MACROD2: variants seen among roughly 807,000 people sequenced by gnomAD.
MACROD2 encodes the protein ADP-ribose glycohydrolase MACROD2.
MACROD2 carries 36 observed loss-of-function variants against 70.4 expected under a neutral mutation model. That is an observed-to-expected ratio of 0.51 (90% CI 0.39 to 0.68). MACROD2 has a LOEUF of 0.68. Ranked by LOEUF, MACROD2 falls within the 30% of genes least tolerant of loss-of-function variation. The probability of loss-of-function intolerance (pLI) is 0.00; values close to 1 mark genes in which losing one functional copy is unlikely to be tolerated. For synonymous variants in MACROD2, 172 were observed against 178.8 expected (o/e 0.96, Z 0.30); for missense variants, 496 against 538.4 (o/e 0.92, Z 0.78).
At chr20:15,186,853 C>T (rs563791211) in intron 5 of MACROD2, among the ~76,000 whole-genome samples, 15 of 152,194 alleles carry the variant, frequency 9.9e-5, no homozygotes, top group Non-Finnish European at 1.0e-4. Context: ...GTGTTCCTAA[C>T]TGCTTCAAAA....
chr20:15,244,858 G>A (rs1601292662), intron 6 of MACROD2, among the ~76,000 whole-genome samples: 1 of 152,294 alleles, frequency 6.6e-6, no homozygotes, highest in South Asian at 2.1e-4. Context: ...TCAGGCAAAT[G>A]ATACAAATTA....
Position 15,233,969 on chromosome 20 carries a change from T to TATATATATA in MACROD2, c.540+3908_540+3909insATATATATA, listed in dbSNP as rs1568657296. ...ACCCTTGGATCCAAAAAATTTATTT[T>TATATATATA]TATATATATTTATTTATATATATAT... On this transcript the variant is annotated intron_variant, in intron 6 of 17. Transcript: ENST00000684519. Among the ~76,000 whole-genome samples the TATATATATA allele has an allele frequency of 3.7e-3, 208 of 56,030 alleles. 13 individuals carry two copies. The highest frequency in any genetic ancestry group is 5.2e-3 in the Non-Finnish European group (149 of 28,932). The allele number at this position is 56,030 out of a possible 152,430, so 36.8% of individuals were successfully genotyped here.
Position 15,595,780 on chromosome 20 carries a change from A to C in MACROD2, c.645+95933A>C, listed in dbSNP as rs375764368. Reference sequence around the variant, plus strand: ...ACAGTAATAATCTGTTGGTGGTGGGACTATCTGTGATGTGTGTAAATGCTT... The same window carrying C: ...ACAGTAATAATCTGTTGGTGGTGGGCCTATCTGTGATGTGTGTAAATGCTT... On this transcript the variant is annotated intron_variant, in intron 8 of 17. Coordinates refer to ENST00000684519, the MANE Select transcript of MACROD2 (RefSeq NM_001351661.2). Among the ~76,000 whole-genome samples the C allele has an allele frequency of 7.9e-5, 12 of 152,328 alleles. 1 individual carries two copies. The East Asian group carries it at 1.2e-3, about 15-fold the overall frequency.
intron 8 of MACROD2, 49 bp from the exon 9 acceptor site, chr20:15,862,696 C>T: frequency 6.9e-7 from 1 of 1,459,060 alleles, no homozygotes; most frequent in Non-Finnish European, 9.5e-7. Context: ...CCTGGCAGGG[C>T]AATTGCCATA....
In MACROD2 at chr20:14,919,193, G is replaced by C. The variant is rs955153261; in HGVS notation, c.418+234234G>C. ...TGGAATGCATCACAAACACATTGCT[G>C]GGAAAGTAAAAGTTCCAGAAAGAGC... is the stretch of plus-strand genomic sequence containing the variant. On this transcript the variant is annotated intron_variant, in intron 5 of 17. Transcript: ENST00000684519. Among the ~76,000 whole-genome samples the C allele has an allele frequency of 2.8e-4, 43 of 152,124 alleles. 1 individual carries two copies. Among genetic ancestry groups the C allele is most frequent in the Admixed American group, 6.6e-5 (1 of 15,260 alleles).
At chr20:14,469,312 T>G (rs1253378720) in intron 3 of MACROD2, among the ~76,000 whole-genome samples, 3 of 152,134 alleles carry the variant, frequency 2.0e-5, no homozygotes, top group African/African-American at 7.2e-5. Flanking sequence ...TAGTCTGATG[T>G]GCTTCACTGT....
In MACROD2 at chr20:14,714,805, A is replaced by G. The variant is rs188826755; in HGVS notation, c.418+29846A>G. On this transcript the variant is annotated intron_variant, in intron 5 of 17. Transcript: ENST00000684519. ...CTTATAGAAGGGTCTCACAGCTCCA[A>G]GTAACTATCTCTCCTTTGCAGCTTT... 7.2e-5 allele frequency among the ~76,000 whole-genome samples: 11 copies of G among 152,308 alleles called. No individual in the cohort carries two copies. In the East Asian group the frequency reaches 1.7e-3, roughly 24 times the overall value.
At chr20:15,545,521 T>G (rs888302728) in intron 8 of MACROD2, among the ~76,000 whole-genome samples, 1 of 152,172 alleles carries the variant, frequency 6.6e-6, no homozygotes, top group African/African-American at 2.4e-5. Context: ...ATTGTGAGAA[T>G]GAAAAACGGG....
intron 5 of MACROD2, among the ~76,000 whole-genome samples, chr20:14,711,972 C>T (rs907776230): frequency 6.6e-6 from 1 of 152,138 alleles, no homozygotes; most frequent in African/African-American, 2.4e-5. Context: ...GTATAGAACA[C>T]TCACTTTTTC....
chr20:14,770,029 C>A (rs960172399), intron 5 of MACROD2, among the ~76,000 whole-genome samples: 4 of 151,416 alleles, frequency 2.6e-5, no homozygotes, highest in Non-Finnish European at 4.4e-5. Context: ...TCATGAAATT[C>A]TAAATAAAAG....
At chr20:15,371,184 A>C (rs1258354745) in intron 6 of MACROD2, among the ~76,000 whole-genome samples, 2 of 152,134 alleles carry the variant, frequency 1.3e-5, no homozygotes, top group African/African-American at 4.8e-5. Flanking sequence ...TTCACTGTTG[A>C]ACTTGATAAT....
intron 3 of MACROD2, among the ~76,000 whole-genome samples, chr20:14,370,633 A>C (rs2083313633): frequency 6.6e-6 from 1 of 152,196 alleles, no homozygotes; most frequent in Non-Finnish European, 1.5e-5. Context: ...GGATGGTGGC[A>C]GGACAATAGC....
intron 4 of MACROD2, among the ~76,000 whole-genome samples, chr20:14,496,466 A>G (rs1294202681): frequency 2.6e-5 from 4 of 152,208 alleles, no homozygotes; most frequent in African/African-American, 9.6e-5. Flanking sequence ...CTTACCACCA[A>G]TAAGACTGAT....
At chr20:14,974,075 T>C (rs1474780341) in intron 5 of MACROD2, among the ~76,000 whole-genome samples, 1 of 152,118 alleles carries the variant, frequency 6.6e-6, no homozygotes, top group African/African-American at 2.4e-5. Flanking sequence ...ATAGGCAATA[T>C]GAAATAACAG....
At chr20:15,234,402 G>C (rs1289189199) in intron 6 of MACROD2, among the ~76,000 whole-genome samples, 1 of 151,884 alleles carries the variant, frequency 6.6e-6, no homozygotes, top group African/African-American at 2.4e-5. Flanking sequence ...GCACCATGAA[G>C]AGGATAATTA....
At position 15,020,126 on chromosome 20, in the gene MACROD2, G is replaced by A. The variant is rs374432696; in HGVS notation, c.419-209814G>A. 3.9e-5 allele frequency among the ~76,000 whole-genome samples: 6 copies of A among 152,206 alleles called. No homozygotes were observed. In the South Asian group the frequency reaches 1.2e-3, roughly 32 times the overall value. On this transcript the variant is annotated intron_variant, in intron 5 of 17. Transcript: ENST00000684519. ...GATGGGAGGCTGGATTTGACCTGCA[G>A]GCTATAGTTTGCCTACTTCTGCTGC...
At chr20:15,461,298 G>C (rs2046815893) in intron 7 of MACROD2, among the ~76,000 whole-genome samples, 2 of 152,000 alleles carry the variant, frequency 1.3e-5, no homozygotes, top group Non-Finnish European at 2.9e-5. Flanking sequence ...ACATTGTCTA[G>C]CTATTTGATT....
At chr20:15,797,280 A>C (rs1336878392) in intron 8 of MACROD2, among the ~76,000 whole-genome samples, 1 of 151,898 alleles carries the variant, frequency 6.6e-6, no homozygotes, top group African/African-American at 2.4e-5. Context: ...CGCCCGGCTA[A>C]TTTTTTTGTA....
At chr20:14,913,771 A>G (rs146260927) in intron 5 of MACROD2, among the ~76,000 whole-genome samples, 1,647 of 152,216 alleles carry the variant, frequency 0.011, 29 homozygotes, top group East Asian at 0.056. Flanking sequence ...CCCCGACCCT[A>G]TGTCAGACTG....
Sources: allele counts gnomAD v4.1 joint callset (sites outside exome capture counted in the v4.1 genomes callset), GRCh38; gene constraint gnomAD v4.1.1; transcripts MANE v1.5; gene names NCBI Gene and HGNC (gene_info 2026-07-23, HGNC 2026-07-21).